The following DNAH3 variants were observed in gnomAD, a reference collection of about 807,000 sequenced individuals.
The protein encoded by DNAH3 is axonemal beta dynein heavy chain 3.
DNAH3 carries 332 observed loss-of-function variants against 432.5 expected under a neutral mutation model. The observed-to-expected ratio is 0.77, with a 90% CI of 0.70 to 0.84. DNAH3 has a LOEUF of 0.84. Among genes scored for constraint, DNAH3 ranks in the 40% least tolerant of loss-of-function variants. The pLI, the probability that DNAH3 is intolerant of heterozygous loss-of-function variation, is 0.00. For missense variants in DNAH3, 4,861 were observed against 5,114.0 expected, an observed-to-expected ratio of 0.95 and a Z score of 1.51; for synonymous variants, 1,956 against 1,900.2, an observed-to-expected ratio of 1.03 and a Z score of -0.76.
intron 1 of DNAH3, among the ~76,000 whole-genome samples, chr16:21,155,851 C>T (rs1055280335): frequency 6.6e-6 from 1 of 152,120 alleles, no homozygotes; most frequent in African/African-American, 2.4e-5. Context: ...TAATCTGTTG[C>T]TAAAAAAATT....
intron 24 of DNAH3, among the ~76,000 whole-genome samples, chr16:21,065,507 A>G (rs1007612296): frequency 6.6e-6 from 1 of 152,188 alleles, no homozygotes; most frequent in Non-Finnish European, 1.5e-5. Flanking sequence ...GTCTAGAACT[A>G]GAAGCCCAAA....
At chr16:20,985,828 C>T in intron 47 of DNAH3, 113 bp from the exon 48 acceptor site, 1 of 1,053,674 alleles carries the variant, frequency 9.5e-7, no homozygotes, top group Non-Finnish European at 1.4e-6. Flanking sequence ...TGAGCACATC[C>T]TTCAAGGTCA....
chr16:20,951,444 CTTTT>C (rs746116786), intron 56 of DNAH3, among the ~76,000 whole-genome samples: 2 of 144,158 alleles, frequency 1.4e-5, no homozygotes, highest in African/African-American at 5.1e-5. Flanking sequence ...ACTATGTTAC[CTTTT>C]TTTTTTTTTC....
intron 51 of DNAH3, among the ~76,000 whole-genome samples, chr16:20,972,657 G>T (rs1287312603): frequency 6.6e-6 from 1 of 151,926 alleles, no homozygotes; most frequent in African/African-American, 2.4e-5. Flanking sequence ...CCCACCCAGG[G>T]GATCTCCCAC....
intron 52 of DNAH3, among the ~76,000 whole-genome samples, chr16:20,967,667 ATT>A (rs889913609): frequency 6.9e-6 from 1 of 145,730 alleles, no homozygotes; most frequent in Admixed American, 6.9e-5. Context: ...TGCCCAGCTA[ATT>A]TTTTTTTTTG....
In DNAH3 at chr16:21,070,709, C is replaced by A. The variant is rs1405953783; in HGVS notation, c.3201+1G>T. On this transcript the variant is annotated splice_donor_variant, in intron 22 of 61. Transcript: ENST00000261383. LOFTEE classifies it high-confidence loss of function. ...AAGCATTCAACTTCATTTCCTCTTA[C>A]CCGGCATTCTGCTTCTATTGGTTTG... is the stretch of plus-strand genomic sequence containing the variant. The A allele has an allele frequency of 6.3e-7, 1 of 1,597,052 alleles. No individual in the cohort carries two copies.
chr16:21,089,811 T>G (rs1277540764), intron 18 of DNAH3, among the ~76,000 whole-genome samples: 1 of 150,602 alleles, frequency 6.6e-6, no homozygotes, highest in Non-Finnish European at 1.5e-5. Flanking sequence ...AAGGAAATGA[T>G]AAAAATAAGA....
chr16:20,986,413 T>G (rs1204022738), intron 47 of DNAH3, among the ~76,000 whole-genome samples: 1 of 151,942 alleles, frequency 6.6e-6, no homozygotes, highest in Non-Finnish European at 1.5e-5. Flanking sequence ...GAGGCCGAGG[T>G]GGAGGACTGC....
At chr16:21,086,681 T>A (rs953234946) in intron 19 of DNAH3, among the ~76,000 whole-genome samples, 168 bp downstream of exon 19, 8 of 152,226 alleles carry the variant, frequency 5.3e-5, no homozygotes, top group Non-Finnish European at 1.0e-4. Flanking sequence ...GAGTTCATTC[T>A]CTTCCTTCAG....
chr16:20,954,291 CTTT>C (rs1190060999), intron 55 of DNAH3, among the ~76,000 whole-genome samples: 9 of 127,800 alleles, frequency 7.0e-5, no homozygotes, highest in Admixed American at 2.4e-4. Context: ...TACCTATAGA[CTTT>C]TTTTTTTTTT....
intron 24 of DNAH3, among the ~76,000 whole-genome samples, chr16:21,065,831 T>G (rs1207444141): frequency 1.3e-5 from 2 of 152,024 alleles, no homozygotes; most frequent in Non-Finnish European, 1.5e-5. Flanking sequence ...GTTTGTTTAT[T>G]TATTTATTTA....
At chr16:20,951,335 C>G (rs1596917700) in intron 56 of DNAH3, among the ~76,000 whole-genome samples, 1 of 152,048 alleles carries the variant, frequency 6.6e-6, no homozygotes, top group Admixed American at 6.6e-5. Flanking sequence ...ATCTCTTATG[C>G]CTTTAAGAAG....
rs1314605625 is a variant in DNAH3, at chr16:20,968,643, T to TCC, written c.8458+1147_8458+1148dup. On this transcript the variant is annotated intron_variant, in intron 52 of 61. Coordinates refer to ENST00000261383, the Ensembl canonical transcript of DNAH3. Reference sequence around the variant, plus strand: ...TTCTGCCCGTTTCTAATTCTCTGTATCCTCCTCTTTCTCTTTCTTTGTTCA... The same window carrying TCC: ...TTCTGCCCGTTTCTAATTCTCTGTATCCCCTCCTCTTTCTCTTTCTTTGTTCA... Among the ~76,000 whole-genome samples the TCC allele has an allele frequency of 2.0e-5, 3 of 151,822 alleles. No individual in the cohort carries two copies. The East Asian group carries it at 5.8e-4, about 29-fold the overall frequency.
chr16:21,025,512 A>G, intron 38 of DNAH3, among the ~76,000 whole-genome samples: 2 of 147,690 alleles, frequency 1.4e-5, no homozygotes, highest in Middle Eastern at 3.6e-3. Context: ...TAGATATAAC[A>G]TATTTATAGA....
At chr16:20,995,553 G>A (rs1282157467) in intron 44 of DNAH3, among the ~76,000 whole-genome samples, 1 of 152,144 alleles carries the variant, frequency 6.6e-6, no homozygotes, top group East Asian at 1.9e-4. Context: ...ATGAGCCACT[G>A]CGCCCAGACT....
chr16:20,991,529 G>A (rs1174441067), intron 44 of DNAH3, among the ~76,000 whole-genome samples: 2 of 152,152 alleles, frequency 1.3e-5, no homozygotes, highest in African/African-American at 2.4e-5. Context: ...CTCCCAAAGT[G>A]CTAGGATTAC....
At chr16:21,075,914 CAAAAAAAAAAA>C (rs34186982) in intron 20 of DNAH3, among the ~76,000 whole-genome samples, 2 of 52,684 alleles carry the variant, frequency 3.8e-5, no homozygotes, top group African/African-American at 1.6e-4. Flanking sequence ...AACCCTGTCT[CAAAAAAAAAAA>C]AAAAAAAAAA....
At chr16:21,126,420 A>G (rs1379230202) in intron 8 of DNAH3, among the ~76,000 whole-genome samples, 2 of 152,210 alleles carry the variant, frequency 1.3e-5, no homozygotes, top group Non-Finnish European at 2.9e-5. Context: ...TCTCTGCTAA[A>G]GAAAACCCAT....
At chr16:21,096,652 TTTTA>T (rs955317874) in intron 18 of DNAH3, among the ~76,000 whole-genome samples, 10 of 152,202 alleles carry the variant, frequency 6.6e-5, no homozygotes, top group South Asian at 2.1e-4. Flanking sequence ...ATGGGTTTTT[TTTTA>T]TTTGTTTGTT....
Sources: gnomAD v4.1 joint callset for allele counts (sites outside exome capture counted in the v4.1 genomes callset) on GRCh38, gnomAD v4.1.1 for gene constraint, MANE v1.5 for transcripts, NCBI Gene and HGNC (gene_info 2026-07-23, HGNC 2026-07-21) for gene names.